The following NAV2 variants were observed in gnomAD, a reference collection of about 807,000 sequenced individuals.
NAV2 encodes the protein neuron navigator 2, also known as helicase, APC down-regulated 1.
A neutral mutation model predicts 223.2 loss-of-function variants in NAV2; 54 were observed. The observed-to-expected ratio is 0.24, with a 90% CI of 0.19 to 0.30. The LOEUF (loss-of-function observed/expected upper bound fraction) is 0.30. Among genes scored for constraint, NAV2 ranks in the 10% least tolerant of loss-of-function variants. The probability of loss-of-function intolerance (pLI) is 1.00; values close to 1 mark genes in which losing one functional copy is unlikely to be tolerated. For missense variants in NAV2, 2,806 were observed against 3,147.5 expected (o/e 0.89, Z 2.60); for synonymous variants, 1,279 against 1,239.3 (o/e 1.03, Z -0.67).
chr11:20,023,233 T>A (rs887426550), intron 11 of NAV2: 69 of 877,002 alleles, frequency 7.9e-5, no homozygotes, highest in Admixed American at 1.3e-4. Flanking sequence ...TGGAGCAGCC[T>A]GTGGTGCAGC....
intron 1 of NAV2, among the ~76,000 whole-genome samples, chr11:19,386,756 T>C (rs766779750): frequency 5.3e-5 from 8 of 152,096 alleles, no homozygotes; most frequent in Non-Finnish European, 1.2e-4. Context: ...AAGCCCCTTA[T>C]CTCTGTGACT....
intron 1 of NAV2, among the ~76,000 whole-genome samples, chr11:19,467,648 G>A (rs1355664638): frequency 6.6e-6 from 1 of 152,212 alleles, no homozygotes; most frequent in Admixed American, 6.5e-5. Flanking sequence ...ATCCTTGTGA[G>A]GATCTGTGGA....
At chr11:19,687,863 G>A (rs2049066958) in intron 1 of NAV2, among the ~76,000 whole-genome samples, 1 of 152,196 alleles carries the variant, frequency 6.6e-6, no homozygotes, top group Non-Finnish European at 1.5e-5. Context: ...CAGAAAATGA[G>A]TGCCTCAACC....
chr11:19,740,756 A>G (rs2052730173), intron 1 of NAV2, among the ~76,000 whole-genome samples: 2 of 152,184 alleles, frequency 1.3e-5, no homozygotes, highest in South Asian at 2.1e-4. Flanking sequence ...TGTTATCAGC[A>G]TGTGACATAT....
intron 1 of NAV2, among the ~76,000 whole-genome samples, chr11:19,672,032 C>A (rs142791101): frequency 1.3e-5 from 2 of 152,266 alleles, no homozygotes; most frequent in African/African-American, 2.4e-5. Context: ...ATGTAGACTT[C>A]TTGGGGAAGA....
chr11:19,548,597 G>T (rs192874015), intron 1 of NAV2, among the ~76,000 whole-genome samples: 1 of 151,940 alleles, frequency 6.6e-6, no homozygotes, highest in Admixed American at 6.6e-5. Context: ...GGCCAGCAGC[G>T]GTGGCTCACA....
chr11:20,079,686 A>G (rs540792771), intron 24 of NAV2, among the ~76,000 whole-genome samples: 24 of 152,174 alleles, frequency 1.6e-4, no homozygotes, highest in Non-Finnish European at 3.4e-4. Flanking sequence ...GAGGGCTGCA[A>G]GAAGGCCACT....
At chr11:19,990,416 T>C (rs1411826107) in intron 11 of NAV2, among the ~76,000 whole-genome samples, 1 of 152,184 alleles carries the variant, frequency 6.6e-6, no homozygotes, top group East Asian at 1.9e-4. Flanking sequence ...AACCACTACA[T>C]GGACCCTTAA....
chr11:19,991,483 T>C (rs1838444790), intron 11 of NAV2, among the ~76,000 whole-genome samples: 1 of 152,252 alleles, frequency 6.6e-6, no homozygotes, highest in South Asian at 2.1e-4. Context: ...ATCTAGGCTC[T>C]ACCTCGTTGC....
intron 1 of NAV2, among the ~76,000 whole-genome samples, chr11:19,445,358 G>A (rs569708097): frequency 3.2e-4 from 49 of 152,298 alleles, no homozygotes; most frequent in African/African-American, 1.1e-3. Context: ...GGGAGATACA[G>A]TGAAGAAGGA....
chr11:19,893,628 C>T (rs1192502414), intron 6 of NAV2, among the ~76,000 whole-genome samples: 2 of 152,158 alleles, frequency 1.3e-5, no homozygotes, highest in Non-Finnish European at 2.9e-5. Flanking sequence ...TCTTTTCCTC[C>T]CTACATATGA....
intron 1 of NAV2, among the ~76,000 whole-genome samples, chr11:19,485,640 A>G (rs373506028): frequency 3.9e-5 from 6 of 152,306 alleles, no homozygotes; most frequent in South Asian, 4.1e-4. Context: ...ATTAATGCCC[A>G]TTAGGTTAAA....
At chr11:19,430,531 C>T (rs1334162656) in intron 1 of NAV2, among the ~76,000 whole-genome samples, 1 of 152,220 alleles carries the variant, frequency 6.6e-6, no homozygotes, top group Admixed American at 6.5e-5. Flanking sequence ...GACGCCATCC[C>T]CTCACCTGGC....
At chr11:19,704,534 T>C (rs1445815965) in intron 1 of NAV2, among the ~76,000 whole-genome samples, 3 of 152,346 alleles carry the variant, frequency 2.0e-5, no homozygotes, top group African/African-American at 7.2e-5. Context: ...CATTTTTCTC[T>C]TTTGTAAAAT....
intron 26 of NAV2, among the ~76,000 whole-genome samples, chr11:20,084,452 G>T (rs950720998): frequency 1.3e-5 from 2 of 152,170 alleles, no homozygotes; most frequent in African/African-American, 4.8e-5. Flanking sequence ...CCCTGTCAGG[G>T]TCTCTACTTT....
At chr11:19,846,423 G>C (rs2060815288) in intron 3 of NAV2, among the ~76,000 whole-genome samples, 1 of 152,142 alleles carries the variant, frequency 6.6e-6, no homozygotes, top group Non-Finnish European at 1.5e-5. Context: ...GACAAGCCTT[G>C]TGCATGCTTC....
At chr11:19,638,945 A>T (rs574323825) in intron 1 of NAV2, among the ~76,000 whole-genome samples, 6 of 152,332 alleles carry the variant, frequency 3.9e-5, no homozygotes, top group Admixed American at 2.0e-4. Context: ...GTGAGCTGAG[A>T]TCGTGCCACT....
At chr11:19,966,284 C>T (rs1222176985) in intron 10 of NAV2, among the ~76,000 whole-genome samples, 2 of 152,168 alleles carry the variant, frequency 1.3e-5, no homozygotes, top group Non-Finnish European at 2.9e-5. Context: ...ACAATATATC[C>T]CCATACCACC....
intron 11 of NAV2, chr11:20,022,788 G>A (rs2054621476): frequency 6.7e-6 from 8 of 1,192,096 alleles, no homozygotes; most frequent in African/African-American, 3.1e-5. Flanking sequence ...TCCATTCAGT[G>A]CTTTACGGTA....
Sources: gnomAD v4.1 joint callset for allele counts (sites outside exome capture counted in the v4.1 genomes callset) on GRCh38, gnomAD v4.1.1 for gene constraint, MANE v1.5 for transcripts, NCBI Gene and HGNC (gene_info 2026-07-23, HGNC 2026-07-21) for gene names.